The following MSI2 variants were observed in gnomAD, a reference collection of about 807,000 sequenced individuals.
MSI2 encodes the protein musashi RNA binding protein 2.
In MSI2, 17 loss-of-function variants were observed where a neutral mutation model predicts 45.6. That is an observed-to-expected ratio of 0.37 (90% confidence interval 0.26 to 0.56). The LOEUF is 0.56. Ranked by LOEUF, MSI2 falls within the 20% of genes least tolerant of loss-of-function variation. MSI2 has a pLI of 0.77. For synonymous variants in MSI2, 156 were observed against 158.2 expected, an observed-to-expected ratio of 0.99 and a Z score of 0.11; for missense variants, 293 against 444.2, an observed-to-expected ratio of 0.66 and a Z score of 3.06.
At position 57,552,871 on chromosome 17, in the gene MSI2, C is replaced by T. The variant is rs1206848375; in HGVS notation, c.454+23147C>T. 6.6e-6 allele frequency among the ~76,000 whole-genome samples: 1 copy of T among 152,094 alleles called. No homozygotes were observed. The highest frequency in any genetic ancestry group is 2.1e-4 in the South Asian group (1 of 4,824). ...TATAAACAACCCGGAAATCACTGCC[C>T]CTAGAATTCACAGAGTGGAAGAACC... On this transcript the variant is annotated intron_variant, in intron 7 of 13. Transcript: ENST00000284073. The surrounding 1 kb of genome is among the most constrained non-coding windows in gnomAD (Gnocchi z 4.3).
intron 6 of MSI2, among the ~76,000 whole-genome samples, chr17:57,512,968 C>CTTTTTTT (rs34727727): frequency 0.19 from 21,942 of 112,694 alleles, 2,282 homozygotes; most frequent in Non-Finnish European, 0.23. Context: ...TAGCTTCTTC[C>CTTTTTTT]TTTTTTTTTT....
Position 57,280,649 on chromosome 17 carries a change from C to A in MSI2, c.312+18457C>A, listed in dbSNP as rs1253620704. Reference sequence around the variant, plus strand: ...GCCTGGCTCAGGGGGTTGAGTGTAACCCCTTGGCTGGCAATCGGCATACTC... The same window carrying A: ...GCCTGGCTCAGGGGGTTGAGTGTAAACCCTTGGCTGGCAATCGGCATACTC... On this transcript the variant is annotated intron_variant, in intron 5 of 13. Transcript: ENST00000284073. This position sits in a 1 kb window ranked among gnomAD's most constrained non-coding sequence, Gnocchi z 4.2. Among the ~76,000 whole-genome samples, 1 of 152,064 alleles carries A rather than the reference C, an allele frequency of 6.6e-6. No individual in the cohort carries two copies. Among genetic ancestry groups the A allele is most frequent in the Non-Finnish European group, 1.5e-5 (1 of 68,018 alleles).
chr17:57,358,747 T>C (rs902917179), intron 5 of MSI2, among the ~76,000 whole-genome samples: 3 of 152,178 alleles, frequency 2.0e-5, no homozygotes, highest in African/African-American at 7.2e-5. Context: ...GTGCTGATTT[T>C]CATTGCACTT....
At chr17:57,450,670 C>CA (rs58773765) in intron 6 of MSI2, among the ~76,000 whole-genome samples, 736 of 31,938 alleles carry the variant, frequency 0.023, 61 homozygotes, top group Admixed American at 0.051. Context: ...GACTGCATCT[C>CA]AAAAAAAAAA....
At chr17:57,278,528 A>G in intron 5 of MSI2, 1 of 152,410 alleles carries the variant, frequency 6.6e-6, no homozygotes, top group Non-Finnish European at 1.5e-5. Flanking sequence ...TGCTTGACTC[A>G]GGCGGGGCTG....
chr17:57,409,590 C>A (rs913689161), intron 6 of MSI2, among the ~76,000 whole-genome samples: 2 of 152,284 alleles, frequency 1.3e-5, no homozygotes, highest in Non-Finnish European at 1.5e-5. Context: ...AGGTGATGGG[C>A]CTTTCTTCTT....
rs1213007967 is a variant in MSI2 at position 57,407,894 on chromosome 17, ACTT to A, written c.405+6424_405+6426del. 1.3e-3 allele frequency among the ~76,000 whole-genome samples: 205 copies of A among 152,130 alleles called. 2 individuals carry two copies. The highest frequency in any genetic ancestry group is 3.2e-3 in the Admixed American group (49 of 15,282). ...TGGAAGTGTGTCATAAGGGGAGGGG[ACTT>A]TATTTGCCCCCTGACCCCTGGCCAA... On this transcript the variant is annotated intron_variant, in intron 6 of 13. Transcript: ENST00000284073. This position sits in a 1 kb window ranked among gnomAD's most constrained non-coding sequence, Gnocchi z 4.1.
chr17:57,493,610 G>A (rs2085918447), intron 6 of MSI2, among the ~76,000 whole-genome samples: 1 of 150,242 alleles, frequency 6.7e-6, no homozygotes, highest in South Asian at 2.1e-4. Context: ...CCTCCAACTA[G>A]ATGAAGGCAT....
At chr17:57,275,984 T>C (rs1008331339) in intron 5 of MSI2, among the ~76,000 whole-genome samples, 1 of 152,134 alleles carries the variant, frequency 6.6e-6, no homozygotes, top group Non-Finnish European at 1.5e-5. Flanking sequence ...TCATTATCCT[T>C]GGAGAGAAAG....
chr17:57,260,942 A>G (rs1907252008), intron 4 of MSI2, among the ~76,000 whole-genome samples: 1 of 145,480 alleles, frequency 6.9e-6, no homozygotes, highest in Non-Finnish European at 1.5e-5. Flanking sequence ...TTCTCATGGC[A>G]GAAGTGAAAA....
At chr17:57,369,433 G>A (rs1011427445) in intron 5 of MSI2, among the ~76,000 whole-genome samples, 7 of 152,164 alleles carry the variant, frequency 4.6e-5, no homozygotes, top group Admixed American at 3.9e-4. Flanking sequence ...TGTCCTCTTA[G>A]GAATAAAGCA....
intron 6 of MSI2, among the ~76,000 whole-genome samples, chr17:57,467,939 C>G (rs977568160): frequency 6.8e-6 from 1 of 147,338 alleles, no homozygotes; most frequent in Non-Finnish European, 1.5e-5. Flanking sequence ...CTGGCAGTCC[C>G]CTGCCAGAGC....
At chr17:57,543,020 G>A (rs1034138452) in intron 7 of MSI2, among the ~76,000 whole-genome samples, 14 of 152,142 alleles carry the variant, frequency 9.2e-5, no homozygotes, top group Non-Finnish European at 2.1e-4. Context: ...ATGACAAGAG[G>A]GTGGGCACTC....
intron 10 of MSI2, chr17:57,632,330 GA>G (rs2144625550): frequency 4.7e-6 from 5 of 1,067,584 alleles, no homozygotes; most frequent in Admixed American, 5.3e-5. Flanking sequence ...TATTCTCTAA[GA>G]ATGTGAGAAA....
chr17:57,283,974 A>C (rs1412267727), intron 5 of MSI2, among the ~76,000 whole-genome samples: 1 of 152,144 alleles, frequency 6.6e-6, no homozygotes, highest in African/African-American at 2.4e-5. Context: ...TTTGTAAACA[A>C]TCTTTAAGGG....
intron 5 of MSI2, 27 bp from the exon 6 acceptor site, chr17:57,401,352 A>G (rs746011358): frequency 2.5e-6 from 4 of 1,593,096 alleles, no homozygotes; most frequent in South Asian, 1.1e-5. Flanking sequence ...TGGTTAACCC[A>G]TGCCTTTCTC....
intron 5 of MSI2, among the ~76,000 whole-genome samples, chr17:57,297,180 T>G (rs1911041557): frequency 7.2e-6 from 1 of 138,046 alleles, no homozygotes; most frequent in Non-Finnish European, 1.5e-5. Flanking sequence ...TGGGCCCAGT[T>G]TTTTTTTGTT....
intron 5 of MSI2, among the ~76,000 whole-genome samples, chr17:57,313,972 G>T (rs1392393635): frequency 6.6e-6 from 1 of 152,176 alleles, no homozygotes; most frequent in East Asian, 1.9e-4. Flanking sequence ...AAGTACCACG[G>T]ACTAGGCGGC....
At chr17:57,507,830 T>C (rs943180517) in intron 6 of MSI2, among the ~76,000 whole-genome samples, 14 of 152,198 alleles carry the variant, frequency 9.2e-5, no homozygotes, top group Admixed American at 1.3e-4. Context: ...TTTAAATTTG[T>C]AGGACGGGTC....
Sources: allele counts gnomAD v4.1 joint callset (sites outside exome capture counted in the v4.1 genomes callset), GRCh38; gene constraint gnomAD v4.1.1; non-coding constraint Gnocchi (gnomAD v3.1); transcripts MANE v1.5; gene names NCBI Gene and HGNC (gene_info 2026-07-23, HGNC 2026-07-21).